SLC35H1: variants seen among roughly 807,000 people sequenced by gnomAD.
The protein encoded by SLC35H1 is solute carrier family 35 member H1.
the SLC35H1 span, chr20:46,346,976 A>G: frequency 6.6e-6 from 1 of 152,110 alleles, no homozygotes; most frequent in Non-Finnish European, 1.5e-5. Flanking sequence ...CCAGAGCTCC[A>G]ACGCTGGCTC....
chr20:46,359,704 G>A, the SLC35H1 span, among the ~76,000 whole-genome samples: 1 of 152,182 alleles, frequency 6.6e-6, no homozygotes, highest in African/African-American at 2.4e-5. Context: ...GTCTGTGCCT[G>A]GAGGAGCCTC....
the SLC35H1 span, chr20:46,352,515 G>T: frequency 2.9e-6 from 1 of 347,440 alleles, no homozygotes. Context: ...ACCCTAGCGG[G>T]ATGATGGGGA....
At chr20:46,350,345 G>GGCA in the SLC35H1 span, 2 of 1,548,640 alleles carry the variant, frequency 1.3e-6, no homozygotes, top group Non-Finnish European at 8.7e-7. Context: ...AGTGAGTGCT[G>GGCA]GCAGCAGGCT....
At chr20:46,346,057 T>G in the SLC35H1 span, 56,621 of 152,060 alleles carry the variant, frequency 0.37, 11,902 homozygotes, top group African/African-American at 0.58. Flanking sequence ...CATTGTAGAC[T>G]GTCCAGAAAC....
At chr20:46,358,440 G>A in the SLC35H1 span, 26 of 1,614,210 alleles carry the variant, frequency 1.6e-5, no homozygotes, top group Non-Finnish European at 1.9e-5. Context: ...CAGTAGTAGA[G>A]AAGCACCAGC....
At chr20:46,359,907 A>G in the SLC35H1 span, among the ~76,000 whole-genome samples, 1 of 152,204 alleles carries the variant, frequency 6.6e-6, no homozygotes, top group African/African-American at 2.4e-5. Context: ...TCCATTCTGC[A>G]CTCTGGAACT....
the SLC35H1 span, chr20:46,350,798 T>C: frequency 6.2e-7 from 1 of 1,614,048 alleles, no homozygotes; most frequent in Non-Finnish European, 8.5e-7. Flanking sequence ...CGTGGAGGGA[T>C]ATTCCCGAGA....
the SLC35H1 span, among the ~76,000 whole-genome samples, chr20:46,354,466 C>T: frequency 6.6e-6 from 1 of 152,170 alleles, no homozygotes; most frequent in African/African-American, 2.4e-5. Flanking sequence ...AGGGCTGGAC[C>T]ACTTGGAGCC....
the SLC35H1 span, chr20:46,356,740 C>A: frequency 9.2e-7 from 1 of 1,088,356 alleles, no homozygotes; most frequent in Non-Finnish European, 1.4e-6. Flanking sequence ...TCTGAACCAT[C>A]CCGGTGCCTC....
At chr20:46,349,513 T>C in the SLC35H1 span, 3 of 152,270 alleles carry the variant, frequency 2.0e-5, no homozygotes, top group African/African-American at 7.2e-5. Context: ...TTTAGTCTCT[T>C]AGTTGTTAAA....
the SLC35H1 span, chr20:46,358,806 T>A: frequency 7.9e-7 from 1 of 1,263,504 alleles, no homozygotes; most frequent in Non-Finnish European, 1.1e-6. Context: ...AGGCAGAGAC[T>A]GTGCTTCTCG....
the SLC35H1 span, chr20:46,355,496 TC>T: frequency 3.2e-6 from 2 of 618,134 alleles, no homozygotes; most frequent in African/African-American, 3.7e-5. This position sits in a 1 kb window ranked among gnomAD's most constrained non-coding sequence, Gnocchi z 4.8. Flanking sequence ...CCCCAAGTGG[TC>T]CCACCTCCTC....
chr20:46,351,657 T>C, the SLC35H1 span, among the ~76,000 whole-genome samples: 2 of 152,248 alleles, frequency 1.3e-5, no homozygotes, highest in African/African-American at 2.4e-5. Context: ...CACGGAACTC[T>C]TTCCTGATGA....
At chr20:46,346,597 A>G in the SLC35H1 span, 2 of 152,342 alleles carry the variant, frequency 1.3e-5, no homozygotes, top group Non-Finnish European at 2.9e-5. Flanking sequence ...CCTGGCCAAC[A>G]TGTACTGAAA....
chr20:46,358,598 C>T, the SLC35H1 span: 3 of 1,595,514 alleles, frequency 1.9e-6, no homozygotes, highest in South Asian at 3.4e-5. Context: ...GGAGTTAGAC[C>T]ACAGCTTTCA....
chr20:46,359,710 G>A, the SLC35H1 span, among the ~76,000 whole-genome samples: 1 of 152,202 alleles, frequency 6.6e-6, no homozygotes, highest in East Asian at 1.9e-4. Flanking sequence ...GCCTGGAGGA[G>A]CCTCAGGTCC....
chr20:46,362,285 T>C, the SLC35H1 span, among the ~76,000 whole-genome samples: 4 of 152,316 alleles, frequency 2.6e-5, no homozygotes, highest in South Asian at 2.1e-4. Flanking sequence ...ACAACTCTTT[T>C]TGAAATCTCA....
the SLC35H1 span, chr20:46,358,488 C>T: frequency 6.2e-7 from 1 of 1,614,212 alleles, no homozygotes; most frequent in Non-Finnish European, 8.5e-7. Context: ...AAGGCCACAT[C>T]GAGGGCCCAC....
the SLC35H1 span, among the ~76,000 whole-genome samples, chr20:46,354,660 G>A: frequency 6.6e-6 from 1 of 152,176 alleles, no homozygotes; most frequent in Non-Finnish European, 1.5e-5. Flanking sequence ...CAGCCCTGGT[G>A]CACTTTCAGG....
Sources: gnomAD v4.1 joint callset for allele counts (sites outside exome capture counted in the v4.1 genomes callset) on GRCh38, gnomAD v4.1.1 for gene constraint, Gnocchi (gnomAD v3.1) non-coding constraint, MANE v1.5 for transcripts, NCBI Gene and HGNC (gene_info 2026-07-23, HGNC 2026-07-21) for gene names.